The following LRRTM3 variants were observed in gnomAD, a reference collection of about 807,000 sequenced individuals.
LRRTM3 encodes the protein leucine rich repeat transmembrane neuronal 3.
In LRRTM3, 24 loss-of-function variants were observed where a neutral mutation model predicts 44.7. The observed-to-expected ratio is 0.54, with a 90% CI of 0.39 to 0.76. The LOEUF is 0.76. LRRTM3 is among the 30% of genes least tolerant of loss of function. The probability of loss-of-function intolerance (pLI) is 0.00; values close to 1 mark genes in which losing one functional copy is unlikely to be tolerated. For synonymous variants in LRRTM3, 277 were observed against 278.7 expected, an observed-to-expected ratio of 0.99 and a Z score of 0.06; for missense variants, 587 against 702.2, an observed-to-expected ratio of 0.84 and a Z score of 1.85.
chr10:67,070,462 C>T (rs1856378403), intron 2 of LRRTM3, among the ~76,000 whole-genome samples: 1 of 151,948 alleles, frequency 6.6e-6, no homozygotes, highest in Non-Finnish European at 1.5e-5. Flanking sequence ...TTAAGAAATC[C>T]TTGTGGCGGG....
At chr10:66,973,786 G>A (rs1849864137) in intron 2 of LRRTM3, among the ~76,000 whole-genome samples, 1 of 151,982 alleles carries the variant, frequency 6.6e-6, no homozygotes, top group Non-Finnish European at 1.5e-5. Flanking sequence ...ACCATGCCCA[G>A]CTAATTTTTT....
chr10:67,004,567 C>T (rs1851867570), intron 2 of LRRTM3, among the ~76,000 whole-genome samples: 1 of 151,958 alleles, frequency 6.6e-6, no homozygotes, highest in African/African-American at 2.4e-5. Flanking sequence ...CAGTGGAAAC[C>T]ATCATTATTG....
chr10:67,089,787 G>A (rs1424869280), intron 2 of LRRTM3, among the ~76,000 whole-genome samples: 2 of 148,958 alleles, frequency 1.3e-5, no homozygotes, highest in African/African-American at 2.5e-5. Context: ...TGTCTCCTAG[G>A]CCCCCCATCC....
intron 2 of LRRTM3, among the ~76,000 whole-genome samples, chr10:67,041,083 G>A (rs1483284538): frequency 6.6e-6 from 1 of 152,108 alleles, no homozygotes; most frequent in African/African-American, 2.4e-5. Context: ...AATAAGATTA[G>A]TGTTATTTGG....
At chr10:67,073,257 A>G (rs1026248005) in intron 2 of LRRTM3, among the ~76,000 whole-genome samples, 1 of 152,234 alleles carries the variant, frequency 6.6e-6, no homozygotes, top group Non-Finnish European at 1.5e-5. Context: ...ACATTTTAAT[A>G]GCTCTGATTA....
At chr10:67,068,938 T>A (rs1856264260) in intron 2 of LRRTM3, among the ~76,000 whole-genome samples, 1 of 152,074 alleles carries the variant, frequency 6.6e-6, no homozygotes, top group Admixed American at 6.6e-5. Context: ...CAGGTACCTG[T>A]AATCCCAGCT....
chr10:67,019,400 T>C (rs1171585908), intron 2 of LRRTM3, among the ~76,000 whole-genome samples: 1 of 152,084 alleles, frequency 6.6e-6, no homozygotes, highest in African/African-American at 2.4e-5. Flanking sequence ...GTGTTTTTAG[T>C]AGAGACAGGG....
chr10:66,965,862 C>T (rs2132799098), intron 2 of LRRTM3, among the ~76,000 whole-genome samples: 1 of 152,206 alleles, frequency 6.6e-6, no homozygotes, highest in East Asian at 1.9e-4. Flanking sequence ...ATGAAATGTG[C>T]CTTCCCATCA....
At chr10:67,064,155 A>T (rs1855927245) in intron 2 of LRRTM3, among the ~76,000 whole-genome samples, 4 of 152,172 alleles carry the variant, frequency 2.6e-5, no homozygotes, top group Admixed American at 2.6e-4. Context: ...CATGAATATG[A>T]TAACTACTTA....
intron 2 of LRRTM3, among the ~76,000 whole-genome samples, chr10:67,011,929 T>C (rs907050097): frequency 6.6e-6 from 1 of 152,100 alleles, no homozygotes; most frequent in East Asian, 1.9e-4. Flanking sequence ...TGAAACCCAC[T>C]ATGGAGCCCC....
rs1564808453 is a variant in LRRTM3, at chr10:66,978,536, A to AAAAAATAAAATAAAAATAAAAAAAAT, written c.1536+50089_1536+50090insTAAAATAAAAATAAAAAAAATAAAAA. Among the ~76,000 whole-genome samples, 8 of 94,384 alleles carry AAAAAATAAAATAAAAATAAAAAAAAT rather than the reference A, an allele frequency of 8.5e-5. 1 individual carries two copies. The highest frequency in any genetic ancestry group is 1.5e-4 in the Non-Finnish European group (7 of 45,898). The allele number at this position is 94,384 out of a possible 152,430, so 61.9% of individuals were successfully genotyped here. ...AGTGAGACTCCATCTCAAAAAAAAA[A>AAAAAATAAAATAAAAATAAAAAAAAT]AAAAAAAAAAAAAAAAATATATATA... On this transcript the variant is annotated intron_variant, in intron 2 of 2. Coordinates refer to ENST00000361320, the MANE Select transcript of LRRTM3 (RefSeq NM_178011.5).
intron 2 of LRRTM3, among the ~76,000 whole-genome samples, chr10:66,978,552 A>AAAAATAT: frequency 1.1e-4 from 4 of 37,880 alleles, no homozygotes; most frequent in African/African-American, 3.5e-4. Flanking sequence ...AAAAAAAAAA[A>AAAAATAT]ATATATATAT....
At chr10:66,939,710 T>C (rs1847896100) in intron 2 of LRRTM3, among the ~76,000 whole-genome samples, 1 of 152,204 alleles carries the variant, frequency 6.6e-6, no homozygotes, top group African/African-American at 2.4e-5. Context: ...AACTTTGTCA[T>C]TCACAGAGTG....
intron 2 of LRRTM3, among the ~76,000 whole-genome samples, chr10:66,967,164 C>T (rs1196337606): frequency 2.0e-5 from 3 of 151,832 alleles, no homozygotes; most frequent in Non-Finnish European, 4.4e-5. Context: ...TTTCTGGAAA[C>T]GTGAGATTTT....
chr10:66,964,183 G>A (rs1849276447), intron 2 of LRRTM3, among the ~76,000 whole-genome samples: 1 of 151,782 alleles, frequency 6.6e-6, no homozygotes, highest in African/African-American at 2.4e-5. Context: ...AACATCGTAG[G>A]AAAAACTTTG....
At chr10:67,046,681 C>T (rs1234215162) in intron 2 of LRRTM3, among the ~76,000 whole-genome samples, 2 of 152,154 alleles carry the variant, frequency 1.3e-5, no homozygotes, top group Non-Finnish European at 2.9e-5. Flanking sequence ...GGATACTATA[C>T]ATTGGCACAG....
At chr10:67,050,371 A>G (rs879560936) in intron 2 of LRRTM3, among the ~76,000 whole-genome samples, 1 of 152,198 alleles carries the variant, frequency 6.6e-6, no homozygotes, top group Non-Finnish European at 1.5e-5. Context: ...AGAGGAAAAT[A>G]TATCTTTAGC....
intron 2 of LRRTM3, among the ~76,000 whole-genome samples, chr10:66,957,715 T>C (rs1027851918): frequency 6.6e-6 from 1 of 151,674 alleles, no homozygotes; most frequent in Admixed American, 6.6e-5. Context: ...TGGTGAAACA[T>C]GGGGACAGCA....
chr10:67,061,973 T>C (rs1350145331), intron 2 of LRRTM3, among the ~76,000 whole-genome samples: 1 of 152,030 alleles, frequency 6.6e-6, no homozygotes, highest in Non-Finnish European at 1.5e-5. Flanking sequence ...TCTTAGGAAA[T>C]AGCCACCCAC....
Sources: allele counts gnomAD v4.1 joint callset (sites outside exome capture counted in the v4.1 genomes callset), GRCh38; gene constraint gnomAD v4.1.1; transcripts MANE v1.5; gene names NCBI Gene and HGNC (gene_info 2026-07-23, HGNC 2026-07-21).